BOK: variants seen among roughly 807,000 people sequenced by gnomAD.
BOK encodes the protein BCL2 family apoptosis regulator BOK, also known as bcl-2-related ovarian killer protein.
A neutral mutation model predicts 18.3 loss-of-function variants in BOK; 20 were observed. The ratio of observed to expected loss-of-function variants is 1.09; its 90% CI spans 0.77 to 1.59. BOK has a LOEUF of 1.59. Ranked by LOEUF, BOK falls within the 40% of genes most tolerant of loss-of-function variation. The pLI is 0.00. For synonymous variants in BOK, 173 were observed against 142.4 expected (o/e 1.21, Z -1.53); for missense variants, 348 against 307.9 (o/e 1.13, Z -0.97).
chr2:241,572,158 C>A, intron 4 of BOK, 139 bp from the exon 5 acceptor site: 1 of 1,348,442 alleles, frequency 7.4e-7, no homozygotes, highest in Non-Finnish European at 1.0e-6. Flanking sequence ...AGGCCACAGA[C>A]CTCCTTCCCG....
chr2:241,553,117 G>A (rs867264442), intron 1 of BOK, among the ~76,000 whole-genome samples: 2 of 73,902 alleles, frequency 2.7e-5, no homozygotes, highest in Non-Finnish European at 5.2e-5. Flanking sequence ...ACCCACCCCC[G>A]GCATGGCATC....
At chr2:241,560,979 G>A (rs1198601016) in intron 2 of BOK, among the ~76,000 whole-genome samples, 1 of 152,196 alleles carries the variant, frequency 6.6e-6, no homozygotes, top group African/African-American at 2.4e-5. Flanking sequence ...AGCCCGGGTT[G>A]TGTCCCCACC....
chr2:241,567,966 G>A (rs1021087427), intron 3 of BOK, among the ~76,000 whole-genome samples: 13 of 151,996 alleles, frequency 8.6e-5, no homozygotes, highest in African/African-American at 2.4e-4. Context: ...ACTGCCAGCC[G>A]TGAGCCTGCG....
intron 4 of BOK, 80 bp from the exon 5 acceptor site, chr2:241,572,217 A>C (rs2066735215): frequency 3.2e-6 from 5 of 1,567,362 alleles, no homozygotes; most frequent in Middle Eastern, 1.7e-4. Flanking sequence ...ATTCTGGTGC[A>C]CGGTGCTGGG....
rs1319365481 is a variant in BOK, at chr2:241,562,499, A to T, written c.349+23A>T. 1 of 1,594,908 alleles carries T rather than the reference A, an allele frequency of 6.3e-7. No homozygotes were observed. Among genetic ancestry groups the T allele is most frequent in the Admixed American group, 1.7e-5 (1 of 58,390 alleles). ...CAGGTATGCCCAGCCTGCCCGTCCCATGGGACCTCAGGGAGGGATCCAGGG... is the reference window on the plus strand; with the variant it reads ...CAGGTATGCCCAGCCTGCCCGTCCCTTGGGACCTCAGGGAGGGATCCAGGG... On this transcript the variant is annotated intron_variant, in intron 3 of 4. Coordinates refer to ENST00000318407, the MANE Select transcript of BOK (RefSeq NM_032515.5). The surrounding 1 kb of genome is among the most constrained non-coding windows in gnomAD (Gnocchi z 4.5).
At position 241,562,321 on chromosome 2, in the gene BOK, C is replaced by T. The variant is rs772465016; in HGVS notation, c.221-27C>T. ...CCCAGGAAGCTGGGACGTGGGCTGC[C>T]TCTCACCTGCTCTTGTGACCACACA... On this transcript the variant is annotated intron_variant, in intron 2 of 4. Transcript: ENST00000318407. This position sits in a 1 kb window ranked among gnomAD's most constrained non-coding sequence, Gnocchi z 4.5. The T allele has an allele frequency of 2.0e-5, 31 of 1,572,032 alleles. 1 individual carries two copies. Among genetic ancestry groups the T allele is most frequent in the Admixed American group, 1.6e-4 (9 of 56,928 alleles).
Position 241,562,764 on chromosome 2 carries a change from A to G in BOK, c.349+288A>G, listed in dbSNP as rs1375263673. On this transcript the variant is annotated intron_variant, in intron 3 of 4. Coordinates refer to ENST00000318407, the MANE Select transcript of BOK (RefSeq NM_032515.5). This position sits in a 1 kb window ranked among gnomAD's most constrained non-coding sequence, Gnocchi z 4.5. ...GGTCCAGCATCCGTGGGGCCGCGTG[A>G]CCTGCAGTCCTGTGGGGTGGCACGT... Among the ~76,000 whole-genome samples, 1 of 152,104 alleles carries G rather than the reference A, an allele frequency of 6.6e-6. No individual in the cohort carries two copies. The highest frequency in any genetic ancestry group is 1.5e-5 in the Non-Finnish European group (1 of 68,024).
intron 1 of BOK, among the ~76,000 whole-genome samples, chr2:241,552,467 A>C (rs1363953586): frequency 2.6e-5 from 4 of 152,106 alleles, no homozygotes; most frequent in Non-Finnish European, 4.4e-5. Context: ...GCCCCTGCAC[A>C]TACTGACAGC....
intron 1 of BOK, among the ~76,000 whole-genome samples, chr2:241,552,099 T>C (rs539597485): frequency 4.0e-4 from 61 of 152,294 alleles, no homozygotes; most frequent in Admixed American, 1.2e-3. Context: ...GTGGCGCGGC[T>C]GGGACGGGGT....
intron 3 of BOK, among the ~76,000 whole-genome samples, chr2:241,567,672 C>T (rs191885096): frequency 7.4e-6 from 1 of 134,898 alleles, no homozygotes; most frequent in East Asian, 2.6e-4. Context: ...GGGGCCAGCT[C>T]AGCTGGGAAT....
At chr2:241,556,100 G>T (rs1316299779), upstream of BOK, among the ~76,000 whole-genome samples, 3 of 152,180 alleles carry the variant, frequency 2.0e-5, no homozygotes, top group Non-Finnish European at 4.4e-5. Flanking sequence ...CTGCATTTCT[G>T]TAATGCTATC....
upstream of BOK, among the ~76,000 whole-genome samples, chr2:241,554,440 G>T (rs554341088): frequency 6.6e-6 from 1 of 152,304 alleles, no homozygotes; most frequent in East Asian, 1.9e-4. Flanking sequence ...GGCTCTTATG[G>T]AAATCCAGCA....
intron 3 of BOK, among the ~76,000 whole-genome samples, chr2:241,567,441 C>G (rs55819884): frequency 7.4e-6 from 1 of 135,016 alleles, no homozygotes; most frequent in Non-Finnish European, 1.6e-5. Context: ...ATGCACTGTT[C>G]TGATGGAACC....
At chr2:241,557,445 G>C (rs983211009), upstream of BOK, among the ~76,000 whole-genome samples, 1 of 151,550 alleles carries the variant, frequency 6.6e-6, no homozygotes, top group Non-Finnish European at 1.5e-5. Context: ...TAGTAGCTGG[G>C]ATTACAGACA....
chr2:241,567,904 C>T (rs2066641024), intron 3 of BOK, among the ~76,000 whole-genome samples: 3 of 77,330 alleles, frequency 3.9e-5, no homozygotes, highest in Admixed American at 1.3e-4. Context: ...GTCTTTATCA[C>T]CCCAGAATGC....
At chr2:241,558,582 C>A (rs1336258859), upstream of BOK, 1 of 152,310 alleles carries the variant, frequency 6.6e-6, no homozygotes, top group East Asian at 1.9e-4. Flanking sequence ...GCTCTAGGTC[C>A]CCACTGCTCT....
chr2:241,554,724 G>C (rs2066438110), upstream of BOK, among the ~76,000 whole-genome samples: 1 of 152,226 alleles, frequency 6.6e-6, no homozygotes, highest in Admixed American at 6.5e-5. Flanking sequence ...AGGACAGTCT[G>C]TCTGAGAGTG....
chr2:241,551,738 C>A (rs954413319), intron 1 of BOK, among the ~76,000 whole-genome samples: 1 of 152,154 alleles, frequency 6.6e-6, no homozygotes. Flanking sequence ...GGGGTCCCTC[C>A]GCCCAGGAGG....
At chr2:241,566,552 T>G (rs1250096452) in intron 3 of BOK, among the ~76,000 whole-genome samples, 1 of 152,100 alleles carries the variant, frequency 6.6e-6, no homozygotes, top group Non-Finnish European at 1.5e-5. Flanking sequence ...TGACCTCAGG[T>G]GATCCACCCA....
Sources: allele counts gnomAD v4.1 joint callset (sites outside exome capture counted in the v4.1 genomes callset), GRCh38; gene constraint gnomAD v4.1.1; non-coding constraint Gnocchi (gnomAD v3.1); transcripts MANE v1.5; gene names NCBI Gene and HGNC (gene_info 2026-07-23, HGNC 2026-07-21).